ABCA13: variants seen among roughly 807,000 people sequenced by gnomAD.
The protein encoded by ABCA13 is ATP binding cassette subfamily A member 13.
In ABCA13, 476 loss-of-function variants were observed where a neutral mutation model predicts 478.7. The observed-to-expected ratio is 0.99, with a 90% confidence interval of 0.92 to 1.07. The LOEUF (loss-of-function observed/expected upper bound fraction) is 1.07. ABCA13 is among the 50% of genes least tolerant of loss of function. The pLI is 0.00. For missense variants in ABCA13, 6,060 were observed against 5,910.6 expected, an observed-to-expected ratio of 1.03 and a Z score of -0.83; for synonymous variants, 2,252 against 2,158.9, an observed-to-expected ratio of 1.04 and a Z score of -1.20.
intron 27 of ABCA13, 83 bp from the exon 28 acceptor site, chr7:48,335,339 C>A: frequency 1.0e-6 from 1 of 1,003,956 alleles, no homozygotes; most frequent in Non-Finnish European, 1.5e-6. Flanking sequence ...CTGGTGGCCA[C>A]ATCATATACA....
chr7:48,605,029 A>T (rs1338690302), intron 58 of ABCA13, among the ~76,000 whole-genome samples: 1 of 152,112 alleles, frequency 6.6e-6, no homozygotes, highest in Admixed American at 6.5e-5. Flanking sequence ...AGTCTGTTTT[A>T]TCAGAGACTA....
intron 58 of ABCA13, among the ~76,000 whole-genome samples, chr7:48,604,632 G>C (rs957156118): frequency 3.3e-5 from 5 of 152,144 alleles, no homozygotes; most frequent in Non-Finnish European, 7.4e-5. Context: ...TTGCTGAGGA[G>C]TGTTTTACTT....
chr7:48,613,975 T>C (rs1334832566), intron 58 of ABCA13, among the ~76,000 whole-genome samples: 1 of 148,276 alleles, frequency 6.7e-6, no homozygotes, highest in Non-Finnish European at 1.5e-5. Context: ...TTATATTTTA[T>C]ATTATGCACC....
chr7:48,445,112 G>A (rs558502579), intron 42 of ABCA13, among the ~76,000 whole-genome samples: 1 of 151,528 alleles, frequency 6.6e-6, no homozygotes, highest in East Asian at 2.0e-4. Context: ...AGGTTCAAGC[G>A]ATTCTCCTGC....
At chr7:48,643,421 T>G in intron 60 of ABCA13, 28 bp downstream of exon 60, 6 of 1,533,942 alleles carry the variant, frequency 3.9e-6, no homozygotes, top group Non-Finnish European at 5.4e-6. Flanking sequence ...TATTATTTCT[T>G]TGTTTTCAGC....
rs1795491858 is a variant in ABCA13 at position 48,647,401 on chromosome 7, TC to T, written c.*1890del. The T allele has an allele frequency of 6.6e-6, 1 of 152,222 alleles. No individual in the cohort carries two copies. Among genetic ancestry groups the T allele is most frequent in the African/African-American group, 2.4e-5 (1 of 41,458 alleles). 9.4% of individuals were successfully genotyped at this position (152,222 alleles called of 1,614,324 possible). A position where few individuals can be genotyped will look rare whatever the true frequency, so the allele number is the denominator to read the frequency against. On this transcript the variant is annotated 3_prime_UTR_variant, in exon 62 of 62. Coordinates refer to ENST00000435803, the MANE Select transcript of ABCA13 (RefSeq NM_152701.5). ...CTAGTTGTCAAAAGGAAATATGTAATCTTTTTATGATTGTTGAATCAATAAA... is the reference window on the plus strand; with the variant it reads ...CTAGTTGTCAAAAGGAAATATGTAATTTTTTATGATTGTTGAATCAATAAA...
At chr7:48,515,040 A>T (rs763581342) in intron 51 of ABCA13, among the ~76,000 whole-genome samples, 5 of 152,166 alleles carry the variant, frequency 3.3e-5, no homozygotes, top group African/African-American at 1.2e-4. Flanking sequence ...TGGATGTCAT[A>T]TGAAAGGGGG....
At chr7:48,330,858 C>T (rs1308063600) in intron 27 of ABCA13, among the ~76,000 whole-genome samples, 3 of 152,128 alleles carry the variant, frequency 2.0e-5, no homozygotes, top group Admixed American at 6.6e-5. Context: ...AGAAAGCAGG[C>T]TCTTATTAGT....
At chr7:48,331,900 T>TC (rs34590247) in intron 27 of ABCA13, among the ~76,000 whole-genome samples, 1 of 152,102 alleles carries the variant, frequency 6.6e-6, no homozygotes, top group African/African-American at 2.4e-5. Context: ...CCTACACCAC[T>TC]CCCCCGCAAG....
At chr7:48,355,548 T>C (rs2128992526) in intron 31 of ABCA13, among the ~76,000 whole-genome samples, 1 of 152,076 alleles carries the variant, frequency 6.6e-6, no homozygotes, top group South Asian at 2.1e-4. Context: ...CTCACGCTGT[T>C]GGGTGGAAAA....
At chr7:48,617,813 C>T (rs1052939705) in intron 59 of ABCA13, among the ~76,000 whole-genome samples, 2 of 151,978 alleles carry the variant, frequency 1.3e-5, no homozygotes, top group African/African-American at 2.4e-5. Context: ...TCAGTTCACT[C>T]GGACAAAGCA....
intron 58 of ABCA13, among the ~76,000 whole-genome samples, chr7:48,610,027 C>T (rs1791871370): frequency 6.6e-6 from 1 of 152,202 alleles, no homozygotes; most frequent in South Asian, 2.1e-4. Context: ...AAAACACAAT[C>T]ATCCCTTCTC....
At chr7:48,567,675 C>T (rs1431452582) in intron 55 of ABCA13, among the ~76,000 whole-genome samples, 1 of 151,692 alleles carries the variant, frequency 6.6e-6, no homozygotes, top group Admixed American at 6.6e-5. Flanking sequence ...ATACATGTAA[C>T]TATCATCAGG....
At chr7:48,310,586 T>G (rs1181854119) in intron 24 of ABCA13, among the ~76,000 whole-genome samples, 1 of 152,144 alleles carries the variant, frequency 6.6e-6, no homozygotes, top group African/African-American at 2.4e-5. Flanking sequence ...TGGCCCTATC[T>G]GTCAGCGGGA....
chr7:48,388,214 T>A (rs1226650226), intron 36 of ABCA13, among the ~76,000 whole-genome samples: 1 of 152,214 alleles, frequency 6.6e-6, no homozygotes, highest in Non-Finnish European at 1.5e-5. Flanking sequence ...CTCCCCTCTG[T>A]GCATTATGTG....
chr7:48,215,836 C>G (rs186502165), intron 3 of ABCA13, among the ~76,000 whole-genome samples: 1 of 152,306 alleles, frequency 6.6e-6, no homozygotes, highest in Admixed American at 6.5e-5. Flanking sequence ...CTGGACATTT[C>G]CTACATATAG....
rs1470842246 is a variant in ABCA13 at position 48,614,855 on chromosome 7, A to G, written c.14745-430A>G. ...AACAATGAGAACACATGGACACAGG[A>G]AAGGGAACATCACATTCTGGGGACT... is the stretch of plus-strand genomic sequence containing the variant. On this transcript the variant is annotated intron_variant, in intron 58 of 61. Coordinates refer to ENST00000435803, the MANE Select transcript of ABCA13 (RefSeq NM_152701.5). 3.8e-4 allele frequency among the ~76,000 whole-genome samples: 50 copies of G among 132,160 alleles called. 2 individuals carry two copies. Among genetic ancestry groups the G allele is most frequent in the African/African-American group, 1.3e-3 (45 of 35,946 alleles). The allele number at this position is 132,160 out of a possible 152,430, so 86.7% of individuals were successfully genotyped here.
chr7:48,533,087 A>G (rs918978431), intron 55 of ABCA13, among the ~76,000 whole-genome samples: 28 of 152,068 alleles, frequency 1.8e-4, no homozygotes, highest in African/African-American at 6.3e-4. Context: ...ATGTGACTTT[A>G]CGTTGGCTGT....
In ABCA13 at chr7:48,269,014, C is replaced by T. The variant is rs1241142099; in HGVS notation, c.2040C>T (p.Asn680=). 1 of 1,598,460 alleles carries T rather than the reference C, an allele frequency of 6.3e-7. No individual in the cohort carries two copies. Among genetic ancestry groups the T allele is most frequent in the Non-Finnish European group, 8.6e-7 (1 of 1,168,362 alleles). The change falls in exon 16 of 62, where the codon AAC becomes AAT. Residue 680 remains asparagine (N), a synonymous_variant. Coordinates refer to ENST00000435803, the MANE Select transcript of ABCA13 (RefSeq NM_152701.5). ...FPEESPCFEE[N]MDWKMISDNY... The stretch of plus-strand genomic sequence containing the variant: ...AGGAATCTCCTTGTTTTGAAGAAAA[C>T]ATGGATTGGAAAATGATCAGTGATA...
Sources: allele counts gnomAD v4.1 joint callset (sites outside exome capture counted in the v4.1 genomes callset), GRCh38; gene constraint gnomAD v4.1.1; transcripts MANE v1.5; gene names NCBI Gene and HGNC (gene_info 2026-07-23, HGNC 2026-07-21).